The following PCDHGB1 variants were observed in gnomAD, a reference collection of about 807,000 sequenced individuals.
The protein encoded by PCDHGB1 is protocadherin gamma-B1.
PCDHGB1 carries 34 observed loss-of-function variants against 56.6 expected under a neutral mutation model. That is an observed-to-expected ratio of 0.60 (90% CI 0.46 to 0.80). PCDHGB1 has a LOEUF of 0.80. Among genes scored for constraint, PCDHGB1 ranks in the 30% least tolerant of loss-of-function variants. The pLI, the probability that PCDHGB1 is intolerant of heterozygous loss-of-function variation, is 0.00. For missense variants in PCDHGB1, 1,278 were observed against 1,204.6 expected (o/e 1.06, Z -0.90); for synonymous variants, 561 against 505.9 (o/e 1.11, Z -1.46).
At chr5:141,372,626 C>T (rs1385028650) in intron 1 of PCDHGB1, 3 of 1,613,792 alleles carry the variant, frequency 1.9e-6, no homozygotes, top group East Asian at 2.2e-5. Context: ...CCACCTACAG[C>T]GAAAGGACTT....
At chr5:141,439,796 G>C (rs980000701) in intron 1 of PCDHGB1, 4 of 152,318 alleles carry the variant, frequency 2.6e-5, no homozygotes, top group African/African-American at 9.6e-5. Flanking sequence ...AATCCAAGAA[G>C]AGTTTGAAAA....
chr5:141,352,816 C>T, intron 1 of PCDHGB1, 147 bp downstream of exon 1: 1 of 816,734 alleles, frequency 1.2e-6, no homozygotes, highest in Non-Finnish European at 1.9e-6. Flanking sequence ...ATGGTAAAAC[C>T]CGGTCTACTA....
chr5:141,401,356 G>A (rs1274587222), intron 1 of PCDHGB1, among the ~76,000 whole-genome samples: 1 of 152,070 alleles, frequency 6.6e-6, no homozygotes, highest in Non-Finnish European at 1.5e-5. Flanking sequence ...AAAAAGGAAG[G>A]AGAAGGAGAG....
intron 1 of PCDHGB1, among the ~76,000 whole-genome samples, chr5:141,482,257 T>C (rs2099555476): frequency 1.3e-5 from 2 of 152,156 alleles, no homozygotes; most frequent in Admixed American, 1.3e-4. Context: ...ACTGTACATA[T>C]TAGTTGTTTA....
intron 1 of PCDHGB1, chr5:141,409,924 C>A (rs760490649): frequency 6.2e-7 from 1 of 1,613,416 alleles, no homozygotes; most frequent in Admixed American, 1.7e-5. Flanking sequence ...GCTCCGCGTT[C>A]TTCGATATGG....
chr5:141,510,817 T>C, intron 3 of PCDHGB1, 130 bp from the exon 4 acceptor site: 2 of 1,551,592 alleles, frequency 1.3e-6, no homozygotes, highest in African/African-American at 2.7e-5. Flanking sequence ...GTGACCCCTA[T>C]ATTCCCAGTG....
rs772841329 is a variant in PCDHGB1 at position 141,360,603 on chromosome 5, A to C, written c.2409+7934A>C. ...CAGGTACAACATTTCCACTTGACCC[A>C]GCCCTGGATTCAGATGTTGGTCCTA... On this transcript the variant is annotated intron_variant, in intron 1 of 3. Coordinates refer to ENST00000523390, the MANE Select transcript of PCDHGB1 (RefSeq NM_018922.3). The C allele has an allele frequency of 5.6e-6, 9 of 1,614,056 alleles. No homozygotes were observed. The East Asian group carries it at 2.0e-4, about 36-fold the overall frequency.
Position 141,431,529 on chromosome 5 carries a change from T to C in PCDHGB1, c.2410-63278T>C, listed in dbSNP as rs145601545. 166 of 1,614,074 alleles carry C rather than the reference T, an allele frequency of 1.0e-4. No individual in the cohort carries two copies. In the African/African-American group the frequency reaches 2.0e-3, roughly 19 times the overall value. On this transcript the variant is annotated intron_variant, in intron 1 of 3. Coordinates refer to ENST00000523390, the MANE Select transcript of PCDHGB1 (RefSeq NM_018922.3). The surrounding 1 kb of genome is among the most constrained non-coding windows in gnomAD (Gnocchi z 4.8). The stretch of plus-strand genomic sequence containing the variant: ...GCGAGCGTTCCGGAGAATCTGGCCT[T>C]GGGCACGCAGCTGCTTGTAGTCAAC...
intron 1 of PCDHGB1, chr5:141,364,177 C>T (rs1432921471): frequency 3.5e-6 from 3 of 848,492 alleles, no homozygotes; most frequent in East Asian, 3.0e-5. Context: ...GACTCTGCTC[C>T]CTCCATACTA....
At chr5:141,381,066 C>T (rs1178029702) in intron 1 of PCDHGB1, among the ~76,000 whole-genome samples, 1 of 152,200 alleles carries the variant, frequency 6.6e-6, no homozygotes, top group Non-Finnish European at 1.5e-5. Context: ...GCAAAGATAA[C>T]TATGGATTAT....
intron 1 of PCDHGB1, chr5:141,379,443 G>A (rs995348151): frequency 2.6e-5 from 4 of 152,168 alleles, no homozygotes; most frequent in African/African-American, 9.7e-5. Flanking sequence ...TTATACATAT[G>A]ATTATTTCAT....
intron 1 of PCDHGB1, among the ~76,000 whole-genome samples, chr5:141,458,408 C>A (rs895785923): frequency 6.6e-6 from 1 of 151,932 alleles, no homozygotes; most frequent in East Asian, 1.9e-4. Flanking sequence ...AGAGACGGAG[C>A]GGGGGTTCCA....
chr5:141,356,972 T>G, intron 1 of PCDHGB1: 1 of 1,614,222 alleles, frequency 6.2e-7, no homozygotes, highest in Non-Finnish European at 8.5e-7. Flanking sequence ...GTGACCAAAG[T>G]GGTGGCAGTG....
chr5:141,424,538 A>G (rs547426760), intron 1 of PCDHGB1: 37 of 152,340 alleles, frequency 2.4e-4, no homozygotes, highest in African/African-American at 8.9e-4. Context: ...TATAGAAATA[A>G]CTTGATTTTG....
In PCDHGB1 at chr5:141,414,973, A is replaced by G. The variant is rs533056439; in HGVS notation, c.2409+62304A>G. 1.9e-5 allele frequency: 30 copies of G among 1,613,870 alleles called. No homozygotes were observed. The African/African-American group carries it at 3.7e-4, about 20-fold the overall frequency. Reference sequence around the variant, plus strand: ...GGTGACCAAGGTGGTGGCGGTGGACAGAGACTCCGGCCAGAACGCCTGGCT... The same window carrying G: ...GGTGACCAAGGTGGTGGCGGTGGACGGAGACTCCGGCCAGAACGCCTGGCT... On this transcript the variant is annotated intron_variant, in intron 1 of 3. Transcript: ENST00000523390.
intron 1 of PCDHGB1, among the ~76,000 whole-genome samples, chr5:141,461,415 T>C (rs2099015091): frequency 6.6e-6 from 1 of 152,152 alleles, no homozygotes; most frequent in Non-Finnish European, 1.5e-5. Flanking sequence ...TTTCATATGT[T>C]TGTGGGCCAT....
chr5:141,350,799 A>C lies in PCDHGB1; in HGVS notation c.539A>C (p.Lys180Thr), dbSNP rs751350769. ...AATCAATACTTCTCTCTGTCAACGA[A>C]GGAAAGTCCTGATGGAAGTAAATAT... ...NPNQYFSLST[K>T]ESPDGSKYPV... The change falls in exon 1 of 4, where the codon AAG becomes ACG. Residue 180 changes from lysine (K) to threonine (T), a missense_variant. Coordinates refer to ENST00000523390, the MANE Select transcript of PCDHGB1 (RefSeq NM_018922.3). 5 of 1,614,018 alleles carry C rather than the reference A, an allele frequency of 3.1e-6. No individual in the cohort carries two copies. Among genetic ancestry groups the C allele is most frequent in the Non-Finnish European group, 4.2e-6 (5 of 1,179,900 alleles).
At chr5:141,501,883 G>A (rs1204174131) in intron 2 of PCDHGB1, among the ~76,000 whole-genome samples, 1 of 152,022 alleles carries the variant, frequency 6.6e-6, no homozygotes, top group African/African-American at 2.4e-5. Flanking sequence ...TTACACTCCT[G>A]ATCATCATGG....
At chr5:141,356,064 A>G (rs1760093561) in intron 1 of PCDHGB1, 1 of 1,613,926 alleles carries the variant, frequency 6.2e-7, no homozygotes, top group Non-Finnish European at 8.5e-7. Context: ...GAGACAAAAT[A>G]TCACAGCTAT....
Sources: allele counts gnomAD v4.1 joint callset (sites outside exome capture counted in the v4.1 genomes callset), GRCh38; gene constraint gnomAD v4.1.1; non-coding constraint Gnocchi (gnomAD v3.1); transcripts MANE v1.5; gene names NCBI Gene and HGNC (gene_info 2026-07-23, HGNC 2026-07-21).